Variants in NFU1 observed in about 807,000 individuals in gnomAD.
NFU1 encodes the protein NFU1 iron-sulfur cluster scaffold homolog, mitochondrial.
A neutral mutation model predicts 32.2 loss-of-function variants in NFU1; 30 were observed. The ratio of observed to expected loss-of-function variants is 0.93; its 90% CI spans 0.70 to 1.26. NFU1 has a LOEUF of 1.26. Among genes scored for constraint, NFU1 ranks in the 50% most tolerant of loss-of-function variants. NFU1 has a pLI of 0.00. For synonymous variants in NFU1, 112 were observed against 104.6 expected (o/e 1.07, Z -0.43); for missense variants, 306 against 306.6 (o/e 1.00, Z 0.02).
Position 69,410,164 on chromosome 2 carries a change from G to A in NFU1, c.485-4082C>T, listed in dbSNP as rs563397351. Among the ~76,000 whole-genome samples, 13 of 152,220 alleles carry A rather than the reference G, an allele frequency of 8.5e-5. No homozygotes were observed. In the South Asian group the frequency reaches 2.1e-3, roughly 24 times the overall value. On this transcript the variant is annotated intron_variant, in intron 5 of 7. Transcript: ENST00000410022. ...ACCACTTTGACAGGCCAAGGTGGGC[G>A]GATCACCTGAGGTCAGGAGTTCTAG...
At chr2:69,400,604 T>C in intron 6 of NFU1, 66 bp from the exon 7 acceptor site, 1 of 1,402,008 alleles carries the variant, frequency 7.1e-7, no homozygotes, top group South Asian at 1.2e-5. Context: ...AAAAATTTAA[T>C]ACAGCTCAGA....
chr2:69,430,394 TG>T (rs1185720893), intron 2 of NFU1, among the ~76,000 whole-genome samples: 1 of 152,040 alleles, frequency 6.6e-6, no homozygotes. Context: ...TGTATTTTTT[TG>T]TAAAGACAGG....
intron 5 of NFU1, among the ~76,000 whole-genome samples, chr2:69,409,521 G>T (rs1168472112): frequency 6.6e-6 from 1 of 152,044 alleles, no homozygotes; most frequent in East Asian, 1.9e-4. Context: ...ATTTAGTGTT[G>T]CTATAAAGGA....
chr2:69,438,802 G>A (rs60808456), upstream of NFU1, among the ~76,000 whole-genome samples: 2 of 151,074 alleles, frequency 1.3e-5, no homozygotes, highest in East Asian at 3.9e-4. Context: ...TGCCTCCTAC[G>A]AGTTTGGTTC....
intron 2 of NFU1, chr2:69,430,152 T>C (rs1022144212): frequency 5.7e-6 from 1 of 176,780 alleles, no homozygotes; most frequent in South Asian, 8.5e-5. Context: ...TCCAGAAAGA[T>C]GCTCATGAAA....
rs142353077 is a variant in NFU1 at position 69,399,265 on chromosome 2, T to C, written c.720+1099A>G. 3 of 347,494 alleles carry C rather than the reference T, an allele frequency of 8.6e-6. No individual in the cohort carries two copies. In the East Asian group the frequency reaches 2.9e-4, roughly 34 times the overall value. The allele number at this position is 347,494 out of a possible 1,614,324, so 21.5% of individuals were successfully genotyped here. ...TGAAATTCTGTGGGTTGGAAATTTC[T>C]AATTTCCACACATCCCTTCACTCCT... On this transcript the variant is annotated intron_variant, in intron 7 of 7. Coordinates refer to ENST00000410022, the MANE Select transcript of NFU1 (RefSeq NM_001002755.4).
At chr2:69,402,353 C>T (rs1291226319) in intron 6 of NFU1, among the ~76,000 whole-genome samples, 5 of 152,164 alleles carry the variant, frequency 3.3e-5, no homozygotes, top group African/African-American at 9.7e-5. Flanking sequence ...TCAACAGTCT[C>T]GCTTTGTCAC....
At chr2:69,437,286 G>T in intron 1 of NFU1, 75 bp downstream of exon 1, 1 of 1,545,630 alleles carries the variant, frequency 6.5e-7, no homozygotes, top group Non-Finnish European at 8.7e-7. Flanking sequence ...TCGAGAGAGG[G>T]TCTGCAAGGC....
intron 4 of NFU1, among the ~76,000 whole-genome samples, chr2:69,415,746 C>A (rs1041022297): frequency 1.3e-5 from 2 of 152,160 alleles, no homozygotes; most frequent in South Asian, 2.1e-4. Context: ...GAGGTCGAAG[C>A]CTGACCTCGT....
intron 4 of NFU1, chr2:69,416,303 AATT>A (rs1221809860): frequency 6.8e-6 from 1 of 147,990 alleles, no homozygotes; most frequent in South Asian, 2.1e-4. Context: ...TTAATAATAT[AATT>A]ATAATTTATA....
chr2:69,407,056 C>T (rs1435299250), intron 5 of NFU1, among the ~76,000 whole-genome samples: 1 of 152,090 alleles, frequency 6.6e-6, no homozygotes, highest in Non-Finnish European at 1.5e-5. Flanking sequence ...TAAGGCCTCC[C>T]CAGCTATGCT....
chr2:69,419,463 T>C (rs1673169310), intron 4 of NFU1, 75 bp downstream of exon 4: 1 of 741,718 alleles, frequency 1.3e-6, no homozygotes, highest in Non-Finnish European at 2.4e-6. Flanking sequence ...AATGGAAATG[T>C]TGGAGAGAGA....
intron 4 of NFU1, chr2:69,416,299 A>C (rs925576647): frequency 6.8e-6 from 1 of 147,702 alleles, no homozygotes; most frequent in Non-Finnish European, 1.5e-5. Flanking sequence ...ATTATTAATA[A>C]TATAATTATA....
intron 7 of NFU1, among the ~76,000 whole-genome samples, chr2:69,399,895 G>A (rs900793546): frequency 4.0e-5 from 6 of 150,206 alleles, no homozygotes; most frequent in East Asian, 1.9e-4. Flanking sequence ...TTTTTTTGAC[G>A]GAGTTTCGCT....
chr2:69,400,937 G>A (rs1269536581), intron 6 of NFU1, among the ~76,000 whole-genome samples: 2 of 152,224 alleles, frequency 1.3e-5, no homozygotes, highest in East Asian at 1.9e-4. Flanking sequence ...GTGACACAGC[G>A]AGACCCTGTC....
intron 6 of NFU1, among the ~76,000 whole-genome samples, chr2:69,403,437 C>T (rs1330059377): frequency 1.3e-5 from 2 of 151,490 alleles, no homozygotes; most frequent in Non-Finnish European, 2.9e-5. Context: ...ATCTCCTTGA[C>T]CAGAGTGCAA....
chr2:69,395,968 AATGT>A (rs1409478319), downstream of NFU1: 4 of 305,968 alleles, frequency 1.3e-5, no homozygotes, highest in African/African-American at 2.2e-5. Flanking sequence ...GATGGGGGGA[AATGT>A]ATTTTAAACT....
At chr2:69,398,964 C>A (rs1672424711) in intron 7 of NFU1, among the ~76,000 whole-genome samples, 1 of 152,126 alleles carries the variant, frequency 6.6e-6, no homozygotes, top group Admixed American at 6.5e-5. Context: ...GTAATCCTAG[C>A]ACTCTGGGAG....
intron 3 of NFU1, 58 bp downstream of exon 3, chr2:69,423,524 C>T: frequency 6.5e-7 from 1 of 1,531,364 alleles, no homozygotes; most frequent in East Asian, 2.3e-5. Flanking sequence ...TGTCTTAACC[C>T]CAAAGTCAGT....
Sources: gnomAD v4.1 joint callset for allele counts (sites outside exome capture counted in the v4.1 genomes callset) on GRCh38, gnomAD v4.1.1 for gene constraint, MANE v1.5 for transcripts, NCBI Gene and HGNC (gene_info 2026-07-23, HGNC 2026-07-21) for gene names.